EIPR1: variants seen among roughly 807,000 people sequenced by gnomAD.
EIPR1 encodes EARP complex and GARP complex interacting protein 1, also known as EARP and GARP complex-interacting protein 1.
In EIPR1, 25 loss-of-function variants were observed where a neutral mutation model predicts 48.1. The observed-to-expected ratio is 0.52, with a 90% confidence interval of 0.38 to 0.73. EIPR1 has a LOEUF of 0.73. Ranked by LOEUF, EIPR1 falls within the 30% of genes least tolerant of loss-of-function variation. The pLI, the probability that EIPR1 is intolerant of heterozygous loss-of-function variation, is 0.00. For missense variants in EIPR1, 415 were observed against 506.2 expected (o/e 0.82, Z 1.73); for synonymous variants, 204 against 201.9 (o/e 1.01, Z -0.09).
rs1666126816 is a variant in EIPR1, at chr2:3,228,227, G to T, written c.417-13979C>A. On this transcript the variant is annotated intron_variant, in intron 4 of 8. Coordinates refer to ENST00000382125, the MANE Select transcript of EIPR1 (RefSeq NM_003310.5). ...GTGGCAGAGCTGCCCAAGGAATCTG[G>T]GAGCCCACCTCTTGCATCAGCATGA... Among the ~76,000 whole-genome samples the T allele has an allele frequency of 2.0e-5, 3 of 152,260 alleles. No individual in the cohort carries two copies. The South Asian group carries it at 6.2e-4, about 31-fold the overall frequency.
At chr2:3,252,260 C>G (rs375303042) in intron 4 of EIPR1, among the ~76,000 whole-genome samples, 1 of 152,084 alleles carries the variant, frequency 6.6e-6, no homozygotes, top group Non-Finnish European at 1.5e-5. Flanking sequence ...AGAACAGAGA[C>G]GGGAGTACTG....
At chr2:3,309,427 C>T (rs1201294546) in intron 3 of EIPR1, among the ~76,000 whole-genome samples, 4 of 152,110 alleles carry the variant, frequency 2.6e-5, no homozygotes, top group Non-Finnish European at 2.9e-5. Context: ...GAAAGAGAAA[C>T]AGAACGATGA....
chr2:3,287,269 ATT>A (rs1558274584), intron 3 of EIPR1, among the ~76,000 whole-genome samples: 8,573 of 75,758 alleles, frequency 0.11, 283 homozygotes, highest in Non-Finnish European at 0.12. Flanking sequence ...CAGAAAGCTC[ATT>A]CACCACACTC....
chr2:3,205,888 T>G (rs981977738), intron 5 of EIPR1, among the ~76,000 whole-genome samples: 38 of 152,330 alleles, frequency 2.5e-4, no homozygotes, highest in African/African-American at 8.4e-4. Context: ...AGGTCAAATG[T>G]CCAGACAGTG....
chr2:3,266,870 C>T (rs1251261343), intron 3 of EIPR1, among the ~76,000 whole-genome samples: 2 of 152,220 alleles, frequency 1.3e-5, no homozygotes, highest in African/African-American at 4.8e-5. Flanking sequence ...AGACAGAAAG[C>T]TGGCCCGATG....
At position 3,263,170 on chromosome 2, in the gene EIPR1, G is replaced by C. The variant is rs115303167; in HGVS notation, c.260-5715C>G. On this transcript the variant is annotated intron_variant, in intron 3 of 8. Transcript: ENST00000382125. The stretch of plus-strand genomic sequence containing the variant: ...GGAGACGGCTGGGAGAGCATGGAGG[G>C]AAAGCTGATTGTGAAGAACGGTGAT... Among the ~76,000 whole-genome samples, 265 of 152,338 alleles carry C rather than the reference G, an allele frequency of 1.7e-3. 1 individual carries two copies. Among genetic ancestry groups the C allele is most frequent in the Middle Eastern group, 6.8e-3 (2 of 294 alleles).
chr2:3,249,413 G>A (rs569762437), intron 4 of EIPR1, among the ~76,000 whole-genome samples: 21 of 146,796 alleles, frequency 1.4e-4, no homozygotes, highest in South Asian at 1.0e-3. Context: ...CAGAAGCAAC[G>A]TATTCAAGAG....
chr2:3,325,944 G>A (rs977570142), intron 3 of EIPR1, among the ~76,000 whole-genome samples: 36 of 152,364 alleles, frequency 2.4e-4, no homozygotes, highest in African/African-American at 7.0e-4. Context: ...GGGAAGGCTC[G>A]GTCAGTGAGC....
chr2:3,284,182 G>A (rs1668105375), intron 3 of EIPR1, among the ~76,000 whole-genome samples: 2 of 148,828 alleles, frequency 1.3e-5, no homozygotes, highest in East Asian at 2.0e-4. Flanking sequence ...CCGTGCCACG[G>A]CTGCACGTAA....
chr2:3,270,744 G>A (rs1667679227), intron 3 of EIPR1, among the ~76,000 whole-genome samples: 1 of 152,206 alleles, frequency 6.6e-6, no homozygotes, highest in African/African-American at 2.4e-5. Context: ...CTGGTGGAGG[G>A]TTTTGCCTTA....
intron 5 of EIPR1, among the ~76,000 whole-genome samples, chr2:3,204,877 TA>T (rs1240873651): frequency 6.6e-6 from 1 of 151,954 alleles, no homozygotes; most frequent in Non-Finnish European, 1.5e-5. Flanking sequence ...CAGACCCTAC[TA>T]CGTGTAGGCC....
intron 3 of EIPR1, among the ~76,000 whole-genome samples, chr2:3,284,065 G>A (rs1487484234): frequency 1.3e-5 from 2 of 152,274 alleles, no homozygotes; most frequent in Non-Finnish European, 2.9e-5. Context: ...AGGCCAGGAA[G>A]CAGACGTGCA....
chr2:3,232,581 C>T (rs1172447528), intron 4 of EIPR1, among the ~76,000 whole-genome samples: 1 of 152,036 alleles, frequency 6.6e-6, no homozygotes, highest in Non-Finnish European at 1.5e-5. Context: ...GGCTTTTTGG[C>T]TAGAATTTAC....
chr2:3,224,782 C>T (rs1258397595), intron 4 of EIPR1, among the ~76,000 whole-genome samples: 1 of 152,206 alleles, frequency 6.6e-6, no homozygotes, highest in Admixed American at 6.5e-5. Flanking sequence ...CACCTGAGTC[C>T]CTGCTGGCAA....
chr2:3,304,836 G>C (rs113335182), intron 3 of EIPR1, among the ~76,000 whole-genome samples: 342 of 46,252 alleles, frequency 7.4e-3, no homozygotes, highest in Middle Eastern at 0.032. Flanking sequence ...CAGCCCTCCA[G>C]TCCCGTCCAG....
chr2:3,215,620 A>C (rs1254633872), intron 4 of EIPR1, among the ~76,000 whole-genome samples: 1 of 152,276 alleles, frequency 6.6e-6, no homozygotes, highest in Non-Finnish European at 1.5e-5. Context: ...ATGCTTATTT[A>C]TAAAGAAAGG....
intron 4 of EIPR1, among the ~76,000 whole-genome samples, chr2:3,244,649 A>T (rs1666740003): frequency 6.6e-6 from 1 of 152,170 alleles, no homozygotes; most frequent in South Asian, 2.1e-4. Context: ...AGCAAAAAGG[A>T]GCCATCTGTG....
rs185692890 is a variant in EIPR1 at position 3,351,176 on chromosome 2, T to A, written c.126+3374A>T. Among the ~76,000 whole-genome samples, 488 of 152,222 alleles carry A rather than the reference T, an allele frequency of 3.2e-3. 4 individuals carry two copies. Among genetic ancestry groups the A allele is most frequent in the African/African-American group, 0.011 (470 of 41,526 alleles). On this transcript the variant is annotated intron_variant, in intron 2 of 8. Coordinates refer to ENST00000382125, the MANE Select transcript of EIPR1 (RefSeq NM_003310.5). Reference sequence around the variant, plus strand: ...CCACCACACCCAGCTAATTTTTGTATTTTTAGTAGAGACAGGGTTTCACCA... The same window carrying A: ...CCACCACACCCAGCTAATTTTTGTAATTTTAGTAGAGACAGGGTTTCACCA...
chr2:3,309,462 TAAC>T (rs1344282905), intron 3 of EIPR1, among the ~76,000 whole-genome samples: 1 of 151,738 alleles, frequency 6.6e-6, no homozygotes, highest in African/African-American at 2.4e-5. Context: ...AGAAAACAAA[TAAC>T]AACATGGCGG....
Sources: gnomAD v4.1 joint callset for allele counts (sites outside exome capture counted in the v4.1 genomes callset) on GRCh38, gnomAD v4.1.1 for gene constraint, MANE v1.5 for transcripts, NCBI Gene and HGNC (gene_info 2026-07-23, HGNC 2026-07-21) for gene names.